The following NOL12 variants were observed in gnomAD, a reference collection of about 807,000 sequenced individuals.
The protein encoded by NOL12 is nucleolar protein 12.
In NOL12, 21 loss-of-function variants were observed where a neutral mutation model predicts 25.2. The observed-to-expected ratio is 0.83, with a 90% confidence interval of 0.59 to 1.20. The LOEUF (loss-of-function observed/expected upper bound fraction) is 1.20, where lower values mean the gene tolerates loss of function less well. Ranked by LOEUF, NOL12 falls within the 50% of genes most tolerant of loss-of-function variation. The pLI is 0.00. For synonymous variants in NOL12, 133 were observed against 113.8 expected, an observed-to-expected ratio of 1.17 and a Z score of -1.08; for missense variants, 286 against 287.6, an observed-to-expected ratio of 0.99 and a Z score of 0.04.
intron 4 of NOL12, among the ~76,000 whole-genome samples, chr22:37,689,678 T>C (rs986373318): frequency 2.6e-5 from 4 of 152,262 alleles, no homozygotes; most frequent in Non-Finnish European, 5.9e-5. Context: ...AAAACACATT[T>C]CCTTGTGTGG....
intron 4 of NOL12, among the ~76,000 whole-genome samples, chr22:37,689,591 G>A (rs1921978759): frequency 6.6e-6 from 1 of 152,232 alleles, no homozygotes; most frequent in Non-Finnish European, 1.5e-5. Context: ...ATTGTTTCAT[G>A]AGACAGCTGT....
rs1233601439 is a variant in NOL12, at chr22:37,688,003, G to A, written c.177G>A (p.Lys59=). Residue 59 remains lysine (K), a synonymous_variant, in exon 2 of 6, where the codon AAG becomes AAA. Coordinates refer to ENST00000359114, the MANE Select transcript of NOL12 (RefSeq NM_024313.3). The part of the protein sequence containing the change: ...IKQRLKEEQR[K]LREERHQEYL... The stretch of plus-strand genomic sequence containing the variant: ...AGCGGCTGAAAGAGGAGCAGAGGAA[G>A]CTTCGGGAGGAGGTACGCAGGGGGA... 2.5e-6 allele frequency: 4 copies of A among 1,575,864 alleles called. No individual in the cohort carries two copies. The highest frequency in any genetic ancestry group is 2.3e-5 in the South Asian group (2 of 85,598).
At chr22:37,686,527 G>A in intron 1 of NOL12, 52 bp downstream of exon 1, 2 of 1,528,528 alleles carry the variant, frequency 1.3e-6, no homozygotes, top group Non-Finnish European at 8.8e-7. Context: ...TCGCGGCCAA[G>A]GCCAGGTCTG....
intron 1 of NOL12, chr22:37,686,758 C>T (rs1227237921): frequency 1.0e-6 from 1 of 985,338 alleles, no homozygotes; most frequent in Non-Finnish European, 1.2e-6. Flanking sequence ...CAGCCCAGTC[C>T]ATCGGTCCGG....
In NOL12 at chr22:37,692,812, G is replaced by T; in HGVS notation, c.*1476G>T. ...ACAGCCAGGCCTTACAGTGGGGCAG[G>T]CTTAGTGACTGTGCCTCAGTTATGC... On this transcript the variant is annotated 3_prime_UTR_variant, in exon 6 of 6. Transcript: ENST00000359114. 2.5e-6 allele frequency: 1 copy of T among 397,998 alleles called. No individual in the cohort carries two copies. The highest frequency in any genetic ancestry group is 1.4e-4 in the South Asian group (1 of 7,170). The allele number at this position is 397,998 out of a possible 1,614,324, so 24.7% of individuals were successfully genotyped here.
At chr22:37,688,091 A>G (rs1921902717) in intron 2 of NOL12, 76 bp downstream of exon 2, 1 of 1,316,434 alleles carries the variant, frequency 7.6e-7, no homozygotes, top group Non-Finnish European at 1.1e-6. Flanking sequence ...TAATAGAGGC[A>G]GCTGCTGGCA....
Position 37,688,379 on chromosome 22 carries a change from C to A in NOL12, c.238+19C>A. 6.2e-7 allele frequency: 1 copy of A among 1,613,624 alleles called. No individual in the cohort carries two copies. The highest frequency in any genetic ancestry group is 1.7e-4 in the Middle Eastern group (1 of 6,058). ...GCTCTGGGTAAGTGGCATGCTTGGC[C>A]TGACCTGGAGAACAGCTGATGGGCC... On this transcript the variant is annotated intron_variant, in intron 3 of 5. Transcript: ENST00000359114.
chr22:37,687,788 T>TA (rs1447156287), intron 1 of NOL12, 122 bp from the exon 2 acceptor site: 28 of 686,456 alleles, frequency 4.1e-5, no homozygotes, highest in Admixed American at 1.2e-4. Context: ...AGCTAATACT[T>TA]ACACTTTTTT....
At chr22:37,690,415 C>T (rs146292872) in intron 4 of NOL12, among the ~76,000 whole-genome samples, 22 of 152,338 alleles carry the variant, frequency 1.4e-4, no homozygotes, top group African/African-American at 5.3e-4. Context: ...GATACAAAGA[C>T]AAGTCTTGTC....
intron 3 of NOL12, 95 bp from the exon 4 acceptor site, chr22:37,688,755 G>A: frequency 1.5e-6 from 2 of 1,315,508 alleles, no homozygotes; most frequent in South Asian, 2.5e-5. Context: ...CACGTCCACA[G>A]AGTAGAGGGG....
rs1298334460 is a variant in NOL12 at position 37,692,755 on chromosome 22, G to A, written c.*1419G>A. ...TGGAGTGGGGGTGAGCAGTGAGCCA[G>A]GGTCTGCAGGGCTGTCCTCTCTCCA... On this transcript the variant is annotated 3_prime_UTR_variant, in exon 6 of 6. Transcript: ENST00000359114. 1.8e-5 allele frequency: 7 copies of A among 398,924 alleles called. No homozygotes were observed. The highest frequency in any genetic ancestry group is 2.6e-5 in the Non-Finnish European group (6 of 226,488). 24.7% of individuals were successfully genotyped at this position (398,924 alleles called of 1,614,324 possible). A position where few individuals can be genotyped will look rare whatever the true frequency, so the allele number is the denominator to read the frequency against.
At chr22:37,687,800 G>T in intron 1 of NOL12, 110 bp from the exon 2 acceptor site, 1 of 745,500 alleles carries the variant, frequency 1.3e-6, no homozygotes, top group Admixed American at 2.5e-5. Flanking sequence ...CACTTTTTTG[G>T]AATGGTGCCT....
At position 37,692,490 on chromosome 22, in the gene NOL12, A is replaced by T. The variant is rs1473912470; in HGVS notation, c.*1154A>T. 7.5e-6 allele frequency: 3 copies of T among 398,590 alleles called. No homozygotes were observed. The highest frequency in any genetic ancestry group is 4.4e-5 in the Admixed American group (1 of 22,706). The allele number at this position is 398,590 out of a possible 1,614,324, so 24.7% of individuals were successfully genotyped here. ...ACACTCCTTCCAGATGGATGAGTTGATGGAAACCCTGTCCCTTCCTTGTCC... is the reference window on the plus strand; with the variant it reads ...ACACTCCTTCCAGATGGATGAGTTGTTGGAAACCCTGTCCCTTCCTTGTCC... On this transcript the variant is annotated 3_prime_UTR_variant, in exon 6 of 6. Transcript: ENST00000359114.
Position 37,688,021 on chromosome 22 carries a change from C to A in NOL12, c.189+6C>A. 2 of 1,541,776 alleles carry A rather than the reference C, an allele frequency of 1.3e-6. No homozygotes were observed. Among genetic ancestry groups the A allele is most frequent in the Non-Finnish European group, 1.8e-6 (2 of 1,135,650 alleles). The stretch of plus-strand genomic sequence containing the variant: ...AGAGGAAGCTTCGGGAGGAGGTACG[C>A]AGGGGGAAGGTGGGAGGGAGGTCTT... On this transcript the variant is annotated splice_donor_region_variant and intron_variant, in intron 2 of 5. Transcript: ENST00000359114.
At chr22:37,690,986 T>C (rs1421055609) in intron 5 of NOL12, 188 bp from the exon 6 acceptor site, 1 of 731,188 alleles carries the variant, frequency 1.4e-6, no homozygotes, top group Non-Finnish European at 2.3e-6. Context: ...GTGCTTTTCG[T>C]GCCTGGGTGA....
intron 2 of NOL12, 113 bp downstream of exon 2, chr22:37,688,128 TG>T: frequency 9.1e-7 from 1 of 1,103,232 alleles, no homozygotes; most frequent in Non-Finnish European, 1.3e-6. Context: ...TGGGCAGGAC[TG>T]GGGAATAGTT....
At chr22:37,686,605 C>A (rs1355262540) in intron 1 of NOL12, 130 bp downstream of exon 1, 1 of 1,378,530 alleles carries the variant, frequency 7.3e-7, no homozygotes, top group East Asian at 3.0e-5. Flanking sequence ...GAACCCCTCT[C>A]GGCCTTCCAG....
In NOL12 at chr22:37,692,656, G is replaced by A. The variant is rs2145800067; in HGVS notation, c.*1320G>A. ...CTGACGCCCGTGGACTATGGAGTCA[G>A]GATGACAGGACAGTGCGGTGAGGGG... On this transcript the variant is annotated 3_prime_UTR_variant, in exon 6 of 6. Coordinates refer to ENST00000359114, the MANE Select transcript of NOL12 (RefSeq NM_024313.3). 1 of 398,860 alleles carries A rather than the reference G, an allele frequency of 2.5e-6. No individual in the cohort carries two copies. Among genetic ancestry groups the A allele is most frequent in the African/African-American group, 2.1e-5 (1 of 48,770 alleles). 24.7% of individuals were successfully genotyped at this position (398,860 alleles called of 1,614,324 possible).
intron 1 of NOL12, 135 bp downstream of exon 1, chr22:37,686,610 T>C (rs1921826564): frequency 2.2e-6 from 3 of 1,374,098 alleles, no homozygotes; most frequent in Non-Finnish European, 2.8e-6. Context: ...CCTCTCGGCC[T>C]TCCAGCCCGC....
Sources: gnomAD v4.1 joint callset for allele counts (sites outside exome capture counted in the v4.1 genomes callset) on GRCh38, gnomAD v4.1.1 for gene constraint, MANE v1.5 for transcripts, NCBI Gene and HGNC (gene_info 2026-07-23, HGNC 2026-07-21) for gene names.